The following BACH2 variants were observed in gnomAD, a reference collection of about 807,000 sequenced individuals.
BACH2 encodes BACH transcriptional regulator 2.
Under a neutral mutation model 61.8 loss-of-function variants are expected in BACH2, and 5 were observed. The ratio of observed to expected loss-of-function variants is 0.08; its 90% confidence interval spans 0.04 to 0.17. The LOEUF is 0.17. Among genes scored for constraint, BACH2 ranks in the 10% least tolerant of loss-of-function variants. BACH2 has a pLI of 1.00. For synonymous variants in BACH2, 446 were observed against 440.1 expected (o/e 1.01, Z -0.17); for missense variants, 824 against 1,091.1 (o/e 0.76, Z 3.45).
At chr6:90,187,180 G>T (rs1358983695) in intron 4 of BACH2, among the ~76,000 whole-genome samples, 1 of 152,152 alleles carries the variant, frequency 6.6e-6, no homozygotes, top group Non-Finnish European at 1.5e-5. Context: ...CTTGGGTGTG[G>T]CCACCTGACA....
At chr6:89,969,391 A>T (rs1232379764) in intron 6 of BACH2, among the ~76,000 whole-genome samples, 3 of 152,104 alleles carry the variant, frequency 2.0e-5, no homozygotes, top group African/African-American at 7.2e-5. Context: ...TTCCTGGAGG[A>T]ACTCACAATG....
At chr6:90,045,662 G>C (rs1334852579) in intron 5 of BACH2, among the ~76,000 whole-genome samples, 1 of 152,104 alleles carries the variant, frequency 6.6e-6, no homozygotes, top group South Asian at 2.1e-4. Flanking sequence ...AATTCTTTTG[G>C]TTACTTCAAA....
At chr6:89,983,089 A>G (rs1472391290) in intron 6 of BACH2, among the ~76,000 whole-genome samples, 1 of 152,144 alleles carries the variant, frequency 6.6e-6, no homozygotes, top group Non-Finnish European at 1.5e-5. Context: ...AGGTGCTGAG[A>G]GCTTCAGTTT....
At chr6:90,092,291 A>AAAAAAAAAAAAAAAAATATATATAT in intron 4 of BACH2, among the ~76,000 whole-genome samples, 3 of 113,816 alleles carry the variant, frequency 2.6e-5, no homozygotes, top group Admixed American at 8.6e-5. Flanking sequence ...AAAAAAAAAA[A>AAAAAAAAAAAAAAAAATATATATAT]ATATATATAT....
rs759055183 is a variant in BACH2, at chr6:89,932,425, T to G, written c.2509A>C (p.Arg837=). Reference sequence around the variant, plus strand: ...CCGAGTCACTAGGTATAATCTTTCCTGGGCTGTTCGTCAGTTGTACACTTA... The same window carrying G: ...CCGAGTCACTAGGTATAATCTTTCCGGGGCTGTTCGTCAGTTGTACACTTA... ...TDKCTTDEQP[R]KDYT Residue 837 remains arginine, a synonymous_variant, in exon 9 of 9, where the codon AGG becomes CGG. Coordinates refer to ENST00000257749, the MANE Select transcript of BACH2 (RefSeq NM_021813.4). 2 of 1,613,786 alleles carry G rather than the reference T, an allele frequency of 1.2e-6. No homozygotes were observed. Among genetic ancestry groups the G allele is most frequent in the Admixed American group, 3.3e-5 (2 of 60,002 alleles).
chr6:90,200,897 C>T (rs1049943918), intron 4 of BACH2, among the ~76,000 whole-genome samples: 31 of 152,194 alleles, frequency 2.0e-4, no homozygotes, highest in African/African-American at 7.0e-4. Flanking sequence ...AAATCTAGAA[C>T]ATACAAGCAA....
At chr6:90,284,630 G>A (rs998935415) in intron 1 of BACH2, among the ~76,000 whole-genome samples, 5 of 152,062 alleles carry the variant, frequency 3.3e-5, no homozygotes, top group African/African-American at 1.2e-4. Flanking sequence ...ATCTGAGTTT[G>A]GCTCCTTAAT....
intron 5 of BACH2, among the ~76,000 whole-genome samples, chr6:90,073,148 A>G (rs1254961846): frequency 1.3e-5 from 2 of 152,216 alleles, no homozygotes; most frequent in African/African-American, 4.8e-5. Context: ...AGATGTACCA[A>G]TGGCGTATTC....
At chr6:90,117,373 C>T (rs561567096) in intron 4 of BACH2, among the ~76,000 whole-genome samples, 33 of 152,250 alleles carry the variant, frequency 2.2e-4, no homozygotes, top group African/African-American at 7.5e-4. Flanking sequence ...CTCTGGCTAA[C>T]GCAACCTTTA....
At chr6:90,091,851 G>A (rs1782173130) in intron 4 of BACH2, among the ~76,000 whole-genome samples, 1 of 152,094 alleles carries the variant, frequency 6.6e-6, no homozygotes, top group South Asian at 2.1e-4. Context: ...CCAAAGAGAA[G>A]TGGACCATTT....
chr6:90,226,190 T>C (rs77592539), intron 3 of BACH2, among the ~76,000 whole-genome samples: 1 of 152,166 alleles, frequency 6.6e-6, no homozygotes, highest in African/African-American at 2.4e-5. Context: ...ATGAATAGCT[T>C]TATGATCACA....
chr6:90,162,864 C>T (rs992127610), intron 4 of BACH2, among the ~76,000 whole-genome samples: 5 of 152,136 alleles, frequency 3.3e-5, no homozygotes, highest in Admixed American at 6.5e-5. Context: ...TAAGTAATTA[C>T]GCTACACACT....
At chr6:90,009,747 CT>C (rs779478723) in intron 5 of BACH2, among the ~76,000 whole-genome samples, 2 of 152,240 alleles carry the variant, frequency 1.3e-5, no homozygotes, top group Non-Finnish European at 2.9e-5. Flanking sequence ...TCACTGCAAC[CT>C]CCACCTCCTG....
At chr6:89,991,334 C>T (rs1776540117) in intron 6 of BACH2, among the ~76,000 whole-genome samples, 1 of 152,192 alleles carries the variant, frequency 6.6e-6, no homozygotes, top group African/African-American at 2.4e-5. Context: ...TATCCACCTA[C>T]TTTTAGTCTG....
At chr6:90,007,537 A>G (rs1777474619) in intron 6 of BACH2, among the ~76,000 whole-genome samples, 1 of 151,906 alleles carries the variant, frequency 6.6e-6, no homozygotes, top group Non-Finnish European at 1.5e-5. Context: ...CTACTGTCCT[A>G]TATACAACCT....
chr6:90,127,369 A>C (rs1044894992), intron 4 of BACH2, among the ~76,000 whole-genome samples: 3 of 152,160 alleles, frequency 2.0e-5, no homozygotes, highest in Non-Finnish European at 4.4e-5. Context: ...CCTCTGTTAC[A>C]ACTGGCCTTG....
intron 4 of BACH2, among the ~76,000 whole-genome samples, chr6:90,187,051 G>C (rs12110780): frequency 0.077 from 11,730 of 152,196 alleles, 548 homozygotes; most frequent in South Asian, 0.14. Flanking sequence ...TCTATATTAA[G>C]AAGGATGCCC....
chr6:90,073,380 G>T (rs1220614522), intron 5 of BACH2, among the ~76,000 whole-genome samples: 1 of 152,114 alleles, frequency 6.6e-6, no homozygotes, highest in Non-Finnish European at 1.5e-5. Context: ...CTCATTCCTG[G>T]CATATTATCA....
intron 6 of BACH2, among the ~76,000 whole-genome samples, chr6:90,003,526 C>G (rs764076945): frequency 3.3e-5 from 5 of 152,170 alleles, no homozygotes; most frequent in Non-Finnish European, 7.3e-5. Context: ...CCTCCTCCTC[C>G]CCACTGGAAT....
Sources: gnomAD v4.1 joint callset for allele counts (sites outside exome capture counted in the v4.1 genomes callset) on GRCh38, gnomAD v4.1.1 for gene constraint, MANE v1.5 for transcripts, NCBI Gene and HGNC (gene_info 2026-07-23, HGNC 2026-07-21) for gene names.